Variants in CDH8 observed in about 807,000 individuals in gnomAD.
CDH8 encodes the protein cadherin 8.
A neutral mutation model predicts 68.1 loss-of-function variants in CDH8; 17 were observed. That is an observed-to-expected ratio of 0.25 (90% CI 0.17 to 0.37). The LOEUF (loss-of-function observed/expected upper bound fraction) is 0.37. Among genes scored for constraint, CDH8 ranks in the 10% least tolerant of loss-of-function variants. The pLI, the probability that CDH8 is intolerant of heterozygous loss-of-function variation, is 1.00. For missense variants in CDH8, 763 were observed against 999.3 expected (o/e 0.76, Z 3.19); for synonymous variants, 372 against 365.1 (o/e 1.02, Z -0.21).
At chr16:61,871,129 AAC>A (rs569789394) in intron 3 of CDH8, among the ~76,000 whole-genome samples, 27 of 149,726 alleles carry the variant, frequency 1.8e-4, no homozygotes, top group Middle Eastern at 3.4e-3. Context: ...CAGCCAGGAA[AAC>A]ACACACACAC....
rs189560671 is a variant in CDH8 at position 61,759,170 on chromosome 16, T to C, written c.1414+30176A>G. 2.6e-5 allele frequency among the ~76,000 whole-genome samples: 4 copies of C among 152,256 alleles called. No homozygotes were observed. In the East Asian group the frequency reaches 7.7e-4, roughly 29 times the overall value. ...GCTGTCTAATGAAATGAATTACAAA[T>C]TGATTTGTAAGAAACTTACAAAATA... On this transcript the variant is annotated intron_variant, in intron 8 of 11. Transcript: ENST00000577390.
At chr16:61,981,732 C>G (rs1316079545) in intron 2 of CDH8, among the ~76,000 whole-genome samples, 1 of 151,768 alleles carries the variant, frequency 6.6e-6, no homozygotes, top group Non-Finnish European at 1.5e-5. Context: ...AAAGGGATTC[C>G]TGGCAGATGT....
chr16:62,003,670 G>T (rs890510632), intron 2 of CDH8, among the ~76,000 whole-genome samples: 12 of 152,074 alleles, frequency 7.9e-5, no homozygotes, highest in African/African-American at 2.9e-4. Flanking sequence ...AATTAGATGG[G>T]TTACTGAGGG....
At chr16:61,701,821 C>T (rs892642223) in intron 10 of CDH8, among the ~76,000 whole-genome samples, 6 of 152,130 alleles carry the variant, frequency 3.9e-5, no homozygotes, top group African/African-American at 7.2e-5. Flanking sequence ...TTACTTTGGG[C>T]GCACCATTGT....
At position 61,978,595 on chromosome 16, in the gene CDH8, T is replaced by G. The variant is rs138950378; in HGVS notation, c.252+42557A>C. Among the ~76,000 whole-genome samples, 1,290 of 152,272 alleles carry G rather than the reference T, an allele frequency of 8.5e-3. 16 individuals carry two copies. The highest frequency in any genetic ancestry group is 0.013 in the Non-Finnish European group (865 of 68,010). On this transcript the variant is annotated intron_variant, in intron 2 of 11. Transcript: ENST00000577390. ...TCAAGTTTGACTATTGGCCATCTATTGCATGTCAGGTTCTAAATGTGGCAG... is the reference window on the plus strand; with the variant it reads ...TCAAGTTTGACTATTGGCCATCTATGGCATGTCAGGTTCTAAATGTGGCAG...
At chr16:61,709,207 G>A (rs1217456838) in intron 10 of CDH8, among the ~76,000 whole-genome samples, 1 of 151,942 alleles carries the variant, frequency 6.6e-6, no homozygotes, top group East Asian at 1.9e-4. Context: ...AGAACTTAAG[G>A]AAGACTCAGG....
At chr16:61,788,999 T>C (rs1163244314) in intron 8 of CDH8, among the ~76,000 whole-genome samples, 16 of 152,064 alleles carry the variant, frequency 1.1e-4, no homozygotes, top group Admixed American at 1.0e-3. Context: ...TATATGTATA[T>C]GTGTGTCCAA....
chr16:61,830,537 C>T (rs1314599946), intron 4 of CDH8, among the ~76,000 whole-genome samples: 1 of 151,754 alleles, frequency 6.6e-6, no homozygotes, highest in Non-Finnish European at 1.5e-5. Context: ...TTTGATGGTG[C>T]TACGTTAAAT....
chr16:61,781,596 C>A (rs927518100), intron 8 of CDH8, among the ~76,000 whole-genome samples: 5 of 152,116 alleles, frequency 3.3e-5, no homozygotes, highest in African/African-American at 1.2e-4. Flanking sequence ...AGAGATCTAT[C>A]TCAAAGGTAA....
chr16:61,817,343 G>C (rs1962099431), intron 7 of CDH8, 136 bp downstream of exon 7: 1 of 741,634 alleles, frequency 1.3e-6, no homozygotes, highest in Non-Finnish European at 2.3e-6. Flanking sequence ...CACACACACA[G>C]TATGTGCCAA....
At chr16:61,656,965 T>C (rs906149336) in intron 10 of CDH8, among the ~76,000 whole-genome samples, 4 of 152,166 alleles carry the variant, frequency 2.6e-5, no homozygotes, top group African/African-American at 9.6e-5. Context: ...ATGGAAATGC[T>C]GATTAACTCT....
intron 1 of CDH8, among the ~76,000 whole-genome samples, chr16:62,022,641 C>T (rs1343911001): frequency 6.6e-6 from 1 of 152,146 alleles, no homozygotes; most frequent in Non-Finnish European, 1.5e-5. Flanking sequence ...GTTCTCAGGA[C>T]ACCCTCGGGG....
At chr16:61,674,565 G>A (rs1009575994) in intron 10 of CDH8, among the ~76,000 whole-genome samples, 3 of 151,684 alleles carry the variant, frequency 2.0e-5, no homozygotes, top group Non-Finnish European at 2.9e-5. Context: ...GTATCTTACC[G>A]TTAACAGCTG....
chr16:61,752,992 G>T (rs924591751), intron 8 of CDH8, among the ~76,000 whole-genome samples: 28 of 152,144 alleles, frequency 1.8e-4, no homozygotes, highest in South Asian at 2.1e-4. Flanking sequence ...GAAGTGCAGA[G>T]ATACGACAAG....
At chr16:61,795,659 A>C (rs1469826255) in intron 7 of CDH8, among the ~76,000 whole-genome samples, 1 of 152,116 alleles carries the variant, frequency 6.6e-6, no homozygotes, top group Non-Finnish European at 1.5e-5. Context: ...ATATCCAAAA[A>C]CGAAAAGAAA....
rs536387077 is a variant in CDH8, at chr16:61,970,993, T to G, written c.252+50159A>C. On this transcript the variant is annotated intron_variant, in intron 2 of 11. Transcript: ENST00000577390. ...CCACCCTTAAGAAGGTACTTTGTAA[T>G]CTCCCCCATCCTTAAGAAGGTACTT... 2.0e-5 allele frequency among the ~76,000 whole-genome samples: 3 copies of G among 151,986 alleles called. No homozygotes were observed. The South Asian group carries it at 6.2e-4, about 32-fold the overall frequency.
chr16:61,760,941 TG>T (rs1188451746), intron 8 of CDH8, among the ~76,000 whole-genome samples: 1 of 152,130 alleles, frequency 6.6e-6, no homozygotes. Flanking sequence ...ACATAAACAA[TG>T]AATTTGAAGT....
At chr16:61,919,030 G>A (rs1964310194) in intron 2 of CDH8, among the ~76,000 whole-genome samples, 1 of 147,334 alleles carries the variant, frequency 6.8e-6, no homozygotes, top group Admixed American at 7.0e-5. Flanking sequence ...CAGCCTAACT[G>A]GGAGGCACCC....
chr16:61,904,722 T>G (rs922819514), intron 2 of CDH8, among the ~76,000 whole-genome samples: 1 of 152,224 alleles, frequency 6.6e-6, no homozygotes. Flanking sequence ...TCACTTCTCA[T>G]GTAATCATTT....
Sources: allele counts gnomAD v4.1 joint callset (sites outside exome capture counted in the v4.1 genomes callset), GRCh38; gene constraint gnomAD v4.1.1; transcripts MANE v1.5; gene names NCBI Gene and HGNC (gene_info 2026-07-23, HGNC 2026-07-21).